The following TMEM170A variants were observed in gnomAD, a reference collection of about 807,000 sequenced individuals.
TMEM170A encodes the protein transmembrane protein 170A, also known as transmembrane protein 170.
A neutral mutation model predicts 12.8 loss-of-function variants in TMEM170A; 18 were observed. The observed-to-expected ratio is 1.41, with a 90% confidence interval of 0.97 to 2.09. The LOEUF (loss-of-function observed/expected upper bound fraction) is 2.09, where lower values mean the gene tolerates loss of function less well. Among genes scored for constraint, TMEM170A ranks in the 30% most tolerant of loss-of-function variants. TMEM170A has a pLI of 0.00. For synonymous variants in TMEM170A, 107 were observed against 76.2 expected, an observed-to-expected ratio of 1.40 and a Z score of -2.11; for missense variants, 220 against 179.9, an observed-to-expected ratio of 1.22 and a Z score of -1.28.
At chr16:75,457,118 C>T (rs1353620535) in intron 1 of TMEM170A, among the ~76,000 whole-genome samples, 3 of 152,118 alleles carry the variant, frequency 2.0e-5, no homozygotes, top group African/African-American at 7.2e-5. Context: ...GACCTGAGAT[C>T]AGCCCTGGGT....
chr16:75,464,315 G>A, intron 1 of TMEM170A, 153 bp downstream of exon 1: 2 of 1,454,236 alleles, frequency 1.4e-6, no homozygotes, highest in Non-Finnish European at 1.8e-6. Context: ...GGGGAAAGGG[G>A]CTCCGGGCGA....
Position 75,445,662 on chromosome 16 carries a change from T to C in TMEM170A, c.*1896A>G, listed in dbSNP as rs898674809. On this transcript the variant is annotated 3_prime_UTR_variant, in exon 3 of 3. Transcript: ENST00000561878. Reference sequence around the variant, plus strand: ...GTGATCTCTTTGTAATTCTTTTCTATGAGTTTCCCTGGCAAATTGGTCCTC... The same window carrying C: ...GTGATCTCTTTGTAATTCTTTTCTACGAGTTTCCCTGGCAAATTGGTCCTC... 6 of 152,046 alleles carry C rather than the reference T, an allele frequency of 3.9e-5. No individual in the cohort carries two copies. The highest frequency in any genetic ancestry group is 1.4e-4 in the African/African-American group (6 of 41,426). 9.4% of individuals were successfully genotyped at this position (152,046 alleles called of 1,614,324 possible).
At position 75,451,733 on chromosome 16, in the gene TMEM170A, C is replaced by G. The variant is rs1489490435; in HGVS notation, c.240G>C (p.Arg80Ser). 3.7e-6 allele frequency: 6 copies of G among 1,614,124 alleles called. No homozygotes were observed. Among genetic ancestry groups the G allele is most frequent in the Non-Finnish European group, 5.1e-6 (6 of 1,180,014 alleles). The change falls in exon 2 of 3, where the codon AGG becomes AGC. Residue 80 changes from arginine to serine, a missense_variant. Arg to Ser is a moderately radical substitution (Grantham distance 110, BLOSUM62 -1). Coordinates refer to ENST00000561878, the MANE Select transcript of TMEM170A (RefSeq NM_145254.3). The part of the protein sequence containing the change: ...LFTLRHHKYG[R>S]FMSVSILLMG... The stretch of plus-strand genomic sequence containing the variant: ...TCAACAGGATGCTTACAGACATGAA[C>G]CTACCATATTTGTGATGTCTGAGGG...
chr16:75,464,371 G>C, intron 1 of TMEM170A, 97 bp downstream of exon 1: 5 of 1,378,954 alleles, frequency 3.6e-6, no homozygotes, highest in South Asian at 3.4e-5. Context: ...GCCGCCAGCA[G>C]GCTGCGCACC....
At chr16:75,450,260 GA>G (rs1325871881) in intron 2 of TMEM170A, among the ~76,000 whole-genome samples, 1 of 149,932 alleles carries the variant, frequency 6.7e-6, no homozygotes, top group Non-Finnish European at 1.5e-5. Context: ...AATTCACAGT[GA>G]AAAAAAGTTA....
intron 1 of TMEM170A, chr16:75,458,814 C>T (rs555969993): frequency 2.2e-4 from 33 of 152,328 alleles, no homozygotes; most frequent in Non-Finnish European, 1.5e-5. Context: ...TATATGCTGA[C>T]ATATCAGTAA....
chr16:75,453,499 G>C (rs2079726105), intron 1 of TMEM170A, among the ~76,000 whole-genome samples: 1 of 152,192 alleles, frequency 6.6e-6, no homozygotes, highest in Non-Finnish European at 1.5e-5. Flanking sequence ...ACAAGCCAAA[G>C]AGCCAATTGA....
At position 75,451,858 on chromosome 16, in the gene TMEM170A, A is replaced by C. The variant is rs1266458880; in HGVS notation, c.134-19T>G. ...CACATCTCTATGAGGGAAGACAAAG[A>C]AAAGTTGTGAATCACTGCCCTTCCC... On this transcript the variant is annotated intron_variant, in intron 1 of 2. Coordinates refer to ENST00000561878, the MANE Select transcript of TMEM170A (RefSeq NM_145254.3). 1.3e-6 allele frequency: 2 copies of C among 1,591,802 alleles called. No individual in the cohort carries two copies. The highest frequency in any genetic ancestry group is 2.7e-5 in the African/African-American group (2 of 74,474).
chr16:75,460,633 A>T (rs2079886556), intron 1 of TMEM170A, among the ~76,000 whole-genome samples: 1 of 152,100 alleles, frequency 6.6e-6, no homozygotes, highest in Non-Finnish European at 1.5e-5. Flanking sequence ...CCCACCACAC[A>T]GGCCCTGCCC....
At chr16:75,448,828 G>A (rs1217691899) in intron 2 of TMEM170A, among the ~76,000 whole-genome samples, 1 of 151,538 alleles carries the variant, frequency 6.6e-6, no homozygotes, top group East Asian at 1.9e-4. Context: ...TTGGAAGGCC[G>A]AGGCAGGAGG....
At chr16:75,460,937 T>C (rs888357431) in intron 1 of TMEM170A, among the ~76,000 whole-genome samples, 4 of 152,232 alleles carry the variant, frequency 2.6e-5, no homozygotes, top group African/African-American at 9.6e-5. Flanking sequence ...CTTCTGAAGA[T>C]GAATGTCATT....
chr16:75,462,251 G>A (rs973677174), intron 1 of TMEM170A, among the ~76,000 whole-genome samples: 2 of 152,180 alleles, frequency 1.3e-5, no homozygotes, highest in African/African-American at 2.4e-5. Flanking sequence ...ACAAAGCCTC[G>A]CTCTGTCACC....
Position 75,451,198 on chromosome 16 carries a change from A to C in TMEM170A, c.304+471T>G, listed in dbSNP as rs8045780. ...CACTGAGATGAAATCTGACTCAAGA[A>C]GTCAAAGAGGTTAGCCAAGTAATAG... On this transcript the variant is annotated intron_variant, in intron 2 of 2. Coordinates refer to ENST00000561878, the MANE Select transcript of TMEM170A (RefSeq NM_145254.3). 2.3e-3 allele frequency among the ~76,000 whole-genome samples: 344 copies of C among 152,060 alleles called. 2 individuals are homozygous for C. The highest frequency in any genetic ancestry group is 7.8e-3 in the African/African-American group (325 of 41,498).
intron 1 of TMEM170A, among the ~76,000 whole-genome samples, chr16:75,457,751 G>A (rs1394454495): frequency 1.3e-5 from 2 of 152,100 alleles, no homozygotes; most frequent in Non-Finnish European, 2.9e-5. Flanking sequence ...AACAGCGTCC[G>A]GCATACACAG....
chr16:75,460,543 C>A (rs2079884959), intron 1 of TMEM170A, among the ~76,000 whole-genome samples: 1 of 152,174 alleles, frequency 6.6e-6, no homozygotes, highest in South Asian at 2.1e-4. Context: ...TGGCTCATTA[C>A]TCACTTTCTT....
At chr16:75,451,466 T>C in intron 2 of TMEM170A, 1 of 616,942 alleles carries the variant, frequency 1.6e-6, no homozygotes, top group Non-Finnish European at 2.9e-6. Flanking sequence ...GGAGGATTAC[T>C]TGAGCCCAAG....
At chr16:75,463,554 C>T (rs545643034) in intron 1 of TMEM170A, among the ~76,000 whole-genome samples, 10 of 152,338 alleles carry the variant, frequency 6.6e-5, no homozygotes, top group African/African-American at 2.4e-4. Flanking sequence ...GAACTAGAGT[C>T]TGGAATCTCG....
chr16:75,463,935 G>A (rs957997735), intron 1 of TMEM170A, among the ~76,000 whole-genome samples: 1 of 152,260 alleles, frequency 6.6e-6, no homozygotes, highest in Non-Finnish European at 1.5e-5. Flanking sequence ...AGAAAGCGGA[G>A]CGGGTCTCGG....
intron 1 of TMEM170A, among the ~76,000 whole-genome samples, chr16:75,462,163 C>A (rs2079920376): frequency 6.6e-6 from 1 of 152,196 alleles, no homozygotes; most frequent in Non-Finnish European, 1.5e-5. Flanking sequence ...TTCATAGACA[C>A]CATCTTCACC....
Sources: allele counts gnomAD v4.1 joint callset (sites outside exome capture counted in the v4.1 genomes callset), GRCh38; gene constraint gnomAD v4.1.1; transcripts MANE v1.5; gene names NCBI Gene and HGNC (gene_info 2026-07-23, HGNC 2026-07-21).